LIMA1: variants seen among roughly 807,000 people sequenced by gnomAD.
LIMA1 encodes LIM domain and actin binding 1, also known as LIM domain and actin-binding protein 1.
In LIMA1, 52 loss-of-function variants were observed where a neutral mutation model predicts 62.6. The observed-to-expected ratio is 0.83, with a 90% CI of 0.67 to 1.05. LIMA1 has a LOEUF of 1.05. LIMA1 is among the 50% of genes least tolerant of loss of function. The pLI, the probability that LIMA1 is intolerant of heterozygous loss-of-function variation, is 0.00. For missense variants in LIMA1, 780 were observed against 902.2 expected, an observed-to-expected ratio of 0.86 and a Z score of 1.74; for synonymous variants, 302 against 317.8, an observed-to-expected ratio of 0.95 and a Z score of 0.53.
chr12:50,261,599 C>A (rs1396484934), intron 1 of LIMA1, among the ~76,000 whole-genome samples: 4 of 152,128 alleles, frequency 2.6e-5, no homozygotes, highest in African/African-American at 9.7e-5. Context: ...CCTTCCCTGA[C>A]CCCTCAAGCT....
rs911479783 is a variant in LIMA1 at position 50,228,365 on chromosome 12, C to T, written c.165+3300G>A. ...AGTCCAATTCAGGCCTCTATTCTAC[C>T]ACTCCCAAACAACACAAGATGACCA... On this transcript the variant is annotated intron_variant, in intron 3 of 10. Transcript: ENST00000341247. Among the ~76,000 whole-genome samples, 3 of 152,280 alleles carry T rather than the reference C, an allele frequency of 2.0e-5. No homozygotes were observed. The South Asian group carries it at 6.2e-4, about 32-fold the overall frequency.
At chr12:50,239,337 A>G (rs1388542862) in intron 2 of LIMA1, among the ~76,000 whole-genome samples, 1 of 152,234 alleles carries the variant, frequency 6.6e-6, no homozygotes, top group Non-Finnish European at 1.5e-5. Flanking sequence ...CAATGTATTC[A>G]TGTATTAAAA....
At chr12:50,220,688 T>A (rs1224669379) in intron 4 of LIMA1, 1 of 152,218 alleles carries the variant, frequency 6.6e-6, no homozygotes, top group Non-Finnish European at 1.5e-5. Context: ...ATTTCTGACA[T>A]TTTTTCCTTC....
chr12:50,264,911 G>A (rs941628155), intron 1 of LIMA1, among the ~76,000 whole-genome samples: 4 of 152,120 alleles, frequency 2.6e-5, no homozygotes, highest in South Asian at 2.1e-4. Context: ...CTAACACTTC[G>A]GGAGGCTGAG....
At chr12:50,272,182 A>G (rs1942219548) in intron 1 of LIMA1, among the ~76,000 whole-genome samples, 1 of 152,078 alleles carries the variant, frequency 6.6e-6, no homozygotes, top group South Asian at 2.1e-4. Context: ...GACTTGCTCA[A>G]TCTGAAGAGT....
At chr12:50,206,641 T>G (rs973212017) in intron 4 of LIMA1, among the ~76,000 whole-genome samples, 19 of 152,206 alleles carry the variant, frequency 1.2e-4, no homozygotes, top group Admixed American at 1.2e-3. Context: ...AAACTCGAAG[T>G]GCTTAGTAAG....
intron 4 of LIMA1, among the ~76,000 whole-genome samples, chr12:50,209,725 G>T (rs1188570797): frequency 6.6e-6 from 1 of 151,916 alleles, no homozygotes; most frequent in Non-Finnish European, 1.5e-5. Flanking sequence ...GAATACAGTG[G>T]TGTGATCTCA....
At chr12:50,213,975 G>T (rs1262982512) in intron 4 of LIMA1, among the ~76,000 whole-genome samples, 1 of 151,248 alleles carries the variant, frequency 6.6e-6, no homozygotes, top group African/African-American at 2.4e-5. Context: ...CAGTTAAAAA[G>T]ATTGGAATTC....
chr12:50,271,070 C>T (rs1385996329), intron 1 of LIMA1, among the ~76,000 whole-genome samples: 1 of 151,954 alleles, frequency 6.6e-6, no homozygotes, highest in Non-Finnish European at 1.5e-5. Flanking sequence ...CCAGCCTGGG[C>T]GACAGAGCGA....
chr12:50,248,726 C>T lies in LIMA1; in HGVS notation c.26G>A (p.Arg9Gln), dbSNP rs749460312. ...CCTCAATGATAGTGAGGTCCATTGC[C>T]GTCTATTAAATGGAGATGATTCCAT... MESSPFNR[R>Q]QWTSLSLRVT... Residue 9 changes from arginine (R) to glutamine (Q), a missense_variant, in exon 2 of 11, where the codon CGG becomes CAG. Arg to Gln is a conservative substitution (Grantham distance 43, BLOSUM62 1). Transcript: ENST00000341247. 6 of 1,609,730 alleles carry T rather than the reference C, an allele frequency of 3.7e-6. No individual in the cohort carries two copies. Among genetic ancestry groups the T allele is most frequent in the East Asian group, 4.5e-5 (2 of 44,850 alleles).
At chr12:50,190,804 TAA>T (rs1229932042) in intron 9 of LIMA1, among the ~76,000 whole-genome samples, 5 of 119,648 alleles carry the variant, frequency 4.2e-5, no homozygotes, top group Non-Finnish European at 7.0e-5. Context: ...CAACAGGTCC[TAA>T]AAAAAAAAAA....
chr12:50,263,616 G>T (rs1489605061), intron 1 of LIMA1, among the ~76,000 whole-genome samples: 3 of 151,852 alleles, frequency 2.0e-5, no homozygotes, highest in Non-Finnish European at 4.4e-5. Context: ...TTATTGTGGG[G>T]TATAGTTAAA....
chr12:50,276,675 G>A (rs1942279287), intron 1 of LIMA1, among the ~76,000 whole-genome samples: 1 of 152,052 alleles, frequency 6.6e-6, no homozygotes, highest in African/African-American at 2.4e-5. Context: ...TTCAAGACCA[G>A]CCTGGCCAAT....
rs1003915759 is a variant in LIMA1 at position 50,187,608 on chromosome 12, G to C, written c.1140+4844C>G. 2.6e-5 allele frequency: 4 copies of C among 152,174 alleles called. No homozygotes were observed. In the East Asian group the frequency reaches 7.7e-4, roughly 29 times the overall value. The allele number at this position is 152,174 out of a possible 1,614,324, so 9.4% of individuals were successfully genotyped here. A position where few individuals can be genotyped will look rare whatever the true frequency, so the allele number is the denominator to read the frequency against. On this transcript the variant is annotated intron_variant, in intron 9 of 10. Transcript: ENST00000341247. Reference sequence around the variant, plus strand: ...AGTGAGTGAGTGAGAAAAGATTCTAGACACTCTTCTAGCATAATTTTGACA... The same window carrying C: ...AGTGAGTGAGTGAGAAAAGATTCTACACACTCTTCTAGCATAATTTTGACA...
At chr12:50,212,273 A>T (rs1355526521) in intron 4 of LIMA1, among the ~76,000 whole-genome samples, 1 of 152,026 alleles carries the variant, frequency 6.6e-6, no homozygotes, top group East Asian at 1.9e-4. Context: ...CCCCTGCCTC[A>T]CTTAGCCACT....
chr12:50,266,053 C>A (rs1942135252), intron 1 of LIMA1, among the ~76,000 whole-genome samples: 1 of 152,176 alleles, frequency 6.6e-6, no homozygotes, highest in South Asian at 2.1e-4. Context: ...TCCATATAAA[C>A]AATGCTATGG....
Position 50,188,056 on chromosome 12 carries a change from A to G in LIMA1, c.1140+4396T>C, listed in dbSNP as rs1940670591. On this transcript the variant is annotated intron_variant, in intron 9 of 10. Coordinates refer to ENST00000341247, the MANE Select transcript of LIMA1 (RefSeq NM_016357.5). ...ACTTCATTGGTACCAAGTCTTACCA[A>G]GTAAGCTCTGTGGCCAGTGTTCAAA... The G allele has an allele frequency of 2.0e-5, 3 of 152,230 alleles. No homozygotes were observed. The South Asian group carries it at 6.2e-4, about 31-fold the overall frequency. The allele number at this position is 152,230 out of a possible 1,614,324, so 9.4% of individuals were successfully genotyped here. A position where few individuals can be genotyped will look rare whatever the true frequency, so the allele number is the denominator to read the frequency against.
chr12:50,193,098 CTCCATGAAGTTTTTTTCATAA>C (rs1005105027), intron 8 of LIMA1, among the ~76,000 whole-genome samples: 4 of 152,088 alleles, frequency 2.6e-5, no homozygotes, highest in African/African-American at 9.7e-5. Flanking sequence ...TGGAAAAGGG[CTCCATGAAGTTTTTTTCATAA>C]TCATTGAAAT....
chr12:50,192,391 G>T, intron 9 of LIMA1, 61 bp downstream of exon 9: 1 of 1,118,476 alleles, frequency 8.9e-7, no homozygotes, highest in Non-Finnish European at 1.4e-6. Context: ...ATCATAAAAG[G>T]TACAATTAGC....
Sources: allele counts gnomAD v4.1 joint callset (sites outside exome capture counted in the v4.1 genomes callset), GRCh38; gene constraint gnomAD v4.1.1; transcripts MANE v1.5; gene names NCBI Gene and HGNC (gene_info 2026-07-23, HGNC 2026-07-21).